RAD54L2: variants seen among roughly 807,000 people sequenced by gnomAD.
RAD54L2 encodes helicase ARIP4.
RAD54L2 carries 27 observed loss-of-function variants against 138.4 expected under a neutral mutation model. That is an observed-to-expected ratio of 0.20 (90% confidence interval 0.14 to 0.27). RAD54L2 has a LOEUF of 0.27. RAD54L2 is among the 10% of genes least tolerant of loss of function. The probability of loss-of-function intolerance (pLI) is 1.00; values close to 1 mark genes in which losing one functional copy is unlikely to be tolerated. For missense variants in RAD54L2, 1,396 were observed against 1,890.2 expected (o/e 0.74, Z 4.85); for synonymous variants, 644 against 723.2 (o/e 0.89, Z 1.76).
intron 3 of RAD54L2, among the ~76,000 whole-genome samples, chr3:51,612,950 TA>T (rs1468714286): frequency 6.6e-6 from 1 of 152,188 alleles, no homozygotes; most frequent in African/African-American, 2.4e-5. Flanking sequence ...TTTATTTATT[TA>T]TTTTTTTGAG....
At chr3:51,551,714 C>T (rs1240115608) in intron 2 of RAD54L2, among the ~76,000 whole-genome samples, 3 of 151,658 alleles carry the variant, frequency 2.0e-5, no homozygotes, top group Non-Finnish European at 4.4e-5. Flanking sequence ...AGATTACAGG[C>T]GTGAGCCACT....
chr3:51,638,102 G>T lies in RAD54L2; in HGVS notation c.1683-42G>T, dbSNP rs998253178. On this transcript the variant is annotated intron_variant, in intron 11 of 22. Coordinates refer to ENST00000684192, the MANE Select transcript of RAD54L2 (RefSeq NM_015106.4). This position sits in a 1 kb window ranked among gnomAD's most constrained non-coding sequence, Gnocchi z 4.3. ...TTTTTATCTTGTGCTGACCCCTCCT[G>T]GCCACACTACCTTGCCGTTTCTGTT... The T allele has an allele frequency of 2.0e-5, 32 of 1,598,556 alleles. No homozygotes were observed. Among genetic ancestry groups the T allele is most frequent in the Non-Finnish European group, 2.7e-5 (31 of 1,167,894 alleles).
At chr3:51,587,774 A>G (rs1384230246) in intron 2 of RAD54L2, among the ~76,000 whole-genome samples, 2 of 152,124 alleles carry the variant, frequency 1.3e-5, no homozygotes, top group Non-Finnish European at 2.9e-5. Flanking sequence ...AATTATCTGA[A>G]GCTTAGTAAG....
At chr3:51,605,276 A>C (rs1034966142) in intron 3 of RAD54L2, among the ~76,000 whole-genome samples, 1 of 151,486 alleles carries the variant, frequency 6.6e-6, no homozygotes, top group African/African-American at 2.4e-5. Flanking sequence ...TTTAGTAGAG[A>C]TGGGGTTTCA....
At chr3:51,627,345 A>G (rs570070417) in intron 3 of RAD54L2, among the ~76,000 whole-genome samples, 1 of 152,306 alleles carries the variant, frequency 6.6e-6, no homozygotes, top group East Asian at 1.9e-4. Flanking sequence ...CATGCACGCT[A>G]TGCAGTCCTC....
intron 7 of RAD54L2, among the ~76,000 whole-genome samples, chr3:51,632,239 G>T (rs1378215885): frequency 6.6e-6 from 1 of 152,134 alleles, no homozygotes; most frequent in Non-Finnish European, 1.5e-5. Context: ...TAGACACTTG[G>T]GTTGATTACG....
intron 2 of RAD54L2, among the ~76,000 whole-genome samples, chr3:51,543,968 G>A (rs1173369409): frequency 2.0e-5 from 3 of 152,116 alleles, no homozygotes; most frequent in Non-Finnish European, 4.4e-5. Flanking sequence ...ATTGGAGTCT[G>A]TGCAAGCTTT....
intron 2 of RAD54L2, among the ~76,000 whole-genome samples, chr3:51,561,032 G>A (rs1014717393): frequency 1.3e-5 from 2 of 152,122 alleles, no homozygotes; most frequent in African/African-American, 2.4e-5. Flanking sequence ...TATAAAAGAC[G>A]GATCTGCTTA....
At chr3:51,618,365 G>C (rs73080606) in intron 3 of RAD54L2, among the ~76,000 whole-genome samples, 1,611 of 152,010 alleles carry the variant, frequency 0.011, 17 homozygotes, top group Admixed American at 0.016. Context: ...CATTTTACCA[G>C]TTTTTTTCTT....
chr3:51,657,497 G>A (rs1313690023), intron 20 of RAD54L2, 83 bp from the exon 21 acceptor site: 6 of 840,166 alleles, frequency 7.1e-6, no homozygotes, highest in Non-Finnish European at 1.2e-5. Flanking sequence ...GAAGAACTGG[G>A]GTAGATGTGG....
chr3:51,564,953 T>C (rs1482118427), intron 2 of RAD54L2, among the ~76,000 whole-genome samples: 1 of 152,116 alleles, frequency 6.6e-6, no homozygotes, highest in Non-Finnish European at 1.5e-5. Flanking sequence ...TTTCTGTAAG[T>C]TCAAATGAGG....
intron 3 of RAD54L2, among the ~76,000 whole-genome samples, chr3:51,607,572 C>G (rs1015683534): frequency 6.6e-6 from 1 of 152,210 alleles, no homozygotes; most frequent in Non-Finnish European, 1.5e-5. Flanking sequence ...CTTTTCTATT[C>G]GACAAAACCG....
At chr3:51,630,668 C>T (rs569587759) in intron 6 of RAD54L2, 37 bp from the exon 7 acceptor site, 1 of 1,538,688 alleles carries the variant, frequency 6.5e-7, no homozygotes, top group South Asian at 1.1e-5. Flanking sequence ...ATCTTCACTC[C>T]CTGGATTTTT....
At chr3:51,607,979 C>CA (rs1700238684) in intron 3 of RAD54L2, among the ~76,000 whole-genome samples, 1 of 150,560 alleles carries the variant, frequency 6.6e-6, no homozygotes, top group African/African-American at 2.5e-5. Flanking sequence ...GGCTGCCCCC[C>CA]ACCTCCCGGG....
At chr3:51,632,049 G>C (rs765138620) in intron 7 of RAD54L2, among the ~76,000 whole-genome samples, 2 of 151,938 alleles carry the variant, frequency 1.3e-5, no homozygotes, top group Non-Finnish European at 2.9e-5. Flanking sequence ...AACTTTTTTA[G>C]TTCTCCCACA....
intron 3 of RAD54L2, among the ~76,000 whole-genome samples, chr3:51,619,419 CA>C: frequency 6.6e-6 from 1 of 152,026 alleles, no homozygotes; most frequent in East Asian, 1.9e-4. Context: ...GCTCTGGATT[CA>C]ATCTCTGTTT....
At chr3:51,607,848 GC>G (rs1170184763) in intron 3 of RAD54L2, among the ~76,000 whole-genome samples, 3 of 148,692 alleles carry the variant, frequency 2.0e-5, no homozygotes, top group East Asian at 2.1e-4. Context: ...GGGCAGAGGC[GC>G]CCCCCACCTC....
In RAD54L2 at chr3:51,639,708, G is replaced by T. The variant is rs1701079156; in HGVS notation, c.2112+38G>T. 6 of 1,607,690 alleles carry T rather than the reference G, an allele frequency of 3.7e-6. No homozygotes were observed. The East Asian group carries it at 9.0e-5, about 24-fold the overall frequency. On this transcript the variant is annotated intron_variant, in intron 13 of 22. Coordinates refer to ENST00000684192, the MANE Select transcript of RAD54L2 (RefSeq NM_015106.4). ...GATCCTTCAGGAACCATAAACTATT[G>T]CTGAGAAGGGATGGTGCAAGCCCTG...
chr3:51,660,027 G>C lies in RAD54L2; in HGVS notation c.3318G>C (p.Gly1106=). 1 of 1,573,144 alleles carries C rather than the reference G, an allele frequency of 6.4e-7. No homozygotes were observed. Among genetic ancestry groups the C allele is most frequent in the Non-Finnish European group, 8.7e-7 (1 of 1,148,206 alleles). The change falls in exon 22 of 23, where the codon GGG becomes GGC. Residue 1106 remains glycine, a splice_region_variant and synonymous_variant. Coordinates refer to ENST00000684192, the MANE Select transcript of RAD54L2 (RefSeq NM_015106.4). ...TGTCTTCTTCGTGTCTATTCTTAGG[G>C]ACGTACATCCGTACCAGTGATGGAC... ...ESIHIIRGTK[G]TYIRTSDGRI...
Sources: allele counts gnomAD v4.1 joint callset (sites outside exome capture counted in the v4.1 genomes callset), GRCh38; gene constraint gnomAD v4.1.1; non-coding constraint Gnocchi (gnomAD v3.1); transcripts MANE v1.5; gene names NCBI Gene and HGNC (gene_info 2026-07-23, HGNC 2026-07-21).